Variants in TENM3 observed in about 807,000 individuals in gnomAD.
The protein encoded by TENM3 is teneurin-3.
TENM3 carries 63 observed loss-of-function variants against 255.1 expected under a neutral mutation model. The observed-to-expected ratio is 0.25, with a 90% CI of 0.20 to 0.30. TENM3 has a LOEUF of 0.30. Ranked by LOEUF, TENM3 falls within the 10% of genes least tolerant of loss-of-function variation. The pLI, the probability that TENM3 is intolerant of heterozygous loss-of-function variation, is 1.00. For missense variants in TENM3, 2,929 were observed against 3,461.1 expected, an observed-to-expected ratio of 0.85 and a Z score of 3.86; for synonymous variants, 1,306 against 1,322.3, an observed-to-expected ratio of 0.99 and a Z score of 0.27.
At position 182,777,425 on chromosome 4, in the gene TENM3, T is replaced by G. The variant is rs553932353; in HGVS notation, c.5304+2272T>G. The stretch of plus-strand genomic sequence containing the variant: ...ATGTGAACACATCCTTGCAAATGTT[T>G]GACTGCTATAAATCTAACACTAGAA... On this transcript the variant is annotated intron_variant, in intron 24 of 27. Coordinates refer to ENST00000511685, the MANE Select transcript of TENM3 (RefSeq NM_001080477.4). Among the ~76,000 whole-genome samples the G allele has an allele frequency of 1.8e-3, 267 of 152,052 alleles. 1 individual carries two copies. Among genetic ancestry groups the G allele is most frequent in the Non-Finnish European group, 3.3e-3 (222 of 67,998 alleles).
intron 19 of TENM3, among the ~76,000 whole-genome samples, chr4:182,746,350 TAGAAC>T (rs1727878815): frequency 6.6e-6 from 1 of 152,042 alleles, no homozygotes; most frequent in Admixed American, 6.6e-5. Flanking sequence ...TCTGCTTAAA[TAGAAC>T]AGCAAGAAGA....
the TENM3 span, among the ~76,000 whole-genome samples, chr4:181,492,307 A>G: frequency 0.023 from 3,578 of 152,294 alleles, 143 homozygotes; most frequent in African/African-American, 0.08. Flanking sequence ...AAAATACCAC[A>G]TATTTTAGCC....
chr4:181,528,556 T>C, the TENM3 span, among the ~76,000 whole-genome samples: 1 of 152,350 alleles, frequency 6.6e-6, no homozygotes, highest in Non-Finnish European at 1.5e-5. Flanking sequence ...TTCTTACTAG[T>C]GTCACAATTT....
At chr4:182,150,545 T>A (rs1341717946) in intron 1 of TENM3, among the ~76,000 whole-genome samples, 3 of 151,886 alleles carry the variant, frequency 2.0e-5, no homozygotes, top group Admixed American at 1.3e-4. Flanking sequence ...AAAGAAAATG[T>A]ACTAAGAGCT....
the TENM3 span, among the ~76,000 whole-genome samples, chr4:181,810,930 A>G: frequency 6.6e-6 from 1 of 152,152 alleles, no homozygotes; most frequent in Non-Finnish European, 1.5e-5. Flanking sequence ...ACATGGAAAT[A>G]TCAATATAGA....
chr4:182,456,509 G>T (rs1580613178), intron 3 of TENM3, among the ~76,000 whole-genome samples: 1 of 152,214 alleles, frequency 6.6e-6, no homozygotes, highest in Middle Eastern at 3.4e-3. Flanking sequence ...TTTCCACAAT[G>T]AAAAGAAGTT....
At chr4:181,801,651 A>AATATATATATAT in the TENM3 span, among the ~76,000 whole-genome samples, 161 of 80,734 alleles carry the variant, frequency 2.0e-3, 5 homozygotes, top group South Asian at 3.7e-3. Flanking sequence ...AGAATTGTAA[A>AATATATATATAT]ATATATATAT....
At chr4:181,927,880 C>A in the TENM3 span, among the ~76,000 whole-genome samples, 2 of 152,148 alleles carry the variant, frequency 1.3e-5, no homozygotes, top group South Asian at 2.1e-4. Context: ...GATACCCAGG[C>A]AAACAAGGTC....
chr4:181,767,879 T>G, the TENM3 span, among the ~76,000 whole-genome samples: 5 of 152,106 alleles, frequency 3.3e-5, no homozygotes, highest in South Asian at 1.0e-3. Context: ...ATTGAGAAAT[T>G]TAAGTGAATA....
chr4:182,570,907 G>A (rs1055771582), intron 3 of TENM3, among the ~76,000 whole-genome samples: 1 of 152,114 alleles, frequency 6.6e-6, no homozygotes, highest in African/African-American at 2.4e-5. Flanking sequence ...GTCGATGCGT[G>A]TGTTTATCCT....
rs760777000 is a variant in TENM3, at chr4:182,346,948, T to A, written c.511+19T>A. 16 of 1,561,340 alleles carry A rather than the reference T, an allele frequency of 1.0e-5. No homozygotes were observed. The highest frequency in any genetic ancestry group is 1.4e-5 in the Non-Finnish European group (16 of 1,148,448). On this transcript the variant is annotated intron_variant, in intron 3 of 27. Transcript: ENST00000511685. The stretch of plus-strand genomic sequence containing the variant: ...GAGAATGGTAAGTTTCCTTTTTGGC[T>A]TTATAATGTTGGCATTCAGTGCTTC...
the TENM3 span, among the ~76,000 whole-genome samples, chr4:182,055,523 CCTT>C: frequency 6.6e-6 from 1 of 152,088 alleles, no homozygotes; most frequent in Admixed American, 6.5e-5. Context: ...ATCCTTGCCT[CCTT>C]CTGCTCTGGA....
the TENM3 span, among the ~76,000 whole-genome samples, chr4:181,732,470 C>A: frequency 6.6e-6 from 1 of 152,048 alleles, no homozygotes; most frequent in South Asian, 2.1e-4. Context: ...AGAATAAAAA[C>A]GTAATGATTA....
chr4:181,593,907 C>T, the TENM3 span, among the ~76,000 whole-genome samples: 4 of 151,502 alleles, frequency 2.6e-5, no homozygotes, highest in East Asian at 1.9e-4. Flanking sequence ...GCTGAATAAG[C>T]GTTAATTATG....
At chr4:181,590,182 A>G in the TENM3 span, among the ~76,000 whole-genome samples, 5 of 152,208 alleles carry the variant, frequency 3.3e-5, no homozygotes, top group African/African-American at 1.2e-4. Flanking sequence ...AACCATGTAC[A>G]TAAGAAACAA....
chr4:182,652,835 G>T (rs1753432356), intron 5 of TENM3, among the ~76,000 whole-genome samples: 1 of 152,092 alleles, frequency 6.6e-6, no homozygotes, highest in South Asian at 2.1e-4. Flanking sequence ...CCATCACTGG[G>T]TTTCCCTAAA....
At chr4:181,551,807 A>AAT in the TENM3 span, among the ~76,000 whole-genome samples, 628 of 140,942 alleles carry the variant, frequency 4.5e-3, 2 homozygotes, top group East Asian at 0.019. Flanking sequence ...GGCAGTTAAT[A>AAT]ATATATATAT....
intron 22 of TENM3, among the ~76,000 whole-genome samples, chr4:182,762,133 A>G (rs535377030): frequency 6.6e-6 from 1 of 152,078 alleles, no homozygotes; most frequent in African/African-American, 2.4e-5. Context: ...ATAAAAACAG[A>G]TTAGTCAGAT....
At chr4:182,107,401 C>G in the TENM3 span, among the ~76,000 whole-genome samples, 4 of 152,200 alleles carry the variant, frequency 2.6e-5, no homozygotes, top group African/African-American at 9.6e-5. Context: ...GCTGAAACAT[C>G]GAAGGACATC....
Sources: allele counts gnomAD v4.1 joint callset (sites outside exome capture counted in the v4.1 genomes callset), GRCh38; gene constraint gnomAD v4.1.1; transcripts MANE v1.5; gene names NCBI Gene and HGNC (gene_info 2026-07-23, HGNC 2026-07-21).